Variants in GSE1 observed in about 807,000 individuals in gnomAD.
The protein encoded by GSE1 is Gse1 coiled-coil protein, also known as genetic suppressor element 1.
In GSE1, 32 loss-of-function variants were observed where a neutral mutation model predicts 112.6. That is an observed-to-expected ratio of 0.28 (90% CI 0.21 to 0.38). GSE1 has a LOEUF of 0.38. Ranked by LOEUF, GSE1 falls within the 10% of genes least tolerant of loss-of-function variation. The probability of loss-of-function intolerance (pLI) is 1.00; values close to 1 mark genes in which losing one functional copy is unlikely to be tolerated. For missense variants in GSE1, 2,348 were observed against 1,699.2 expected (o/e 1.38, Z -6.71); for synonymous variants, 1,115 against 735.6 (o/e 1.52, Z -8.35).
Position 85,208,362 on chromosome 16 carries a change from G to A in GSE1, c.2283+36555G>A, listed in dbSNP as rs1295105228. Among the ~76,000 whole-genome samples the A allele has an allele frequency of 2.0e-5, 3 of 152,152 alleles. No individual in the cohort carries two copies. In the East Asian group the frequency reaches 5.8e-4, roughly 29 times the overall value. ...TCTCAGCCATCGCCCGTGGCATCTC[G>A]GCTGGTGCTCCCACTCAGTACTCCC... On this transcript the variant is annotated intron_variant, in intron 1 of 2. Transcript: ENST00000637419.
intron 2 of GSE1, among the ~76,000 whole-genome samples, chr16:85,538,981 G>T (rs9931322): frequency 6.6e-6 from 1 of 151,814 alleles, no homozygotes; most frequent in Non-Finnish European, 1.5e-5. Context: ...TCTGCCATCC[G>T]GGCCACCATG....
In GSE1 at chr16:85,271,552, G is replaced by A. The variant is rs187973871; in HGVS notation, c.2284-85911G>A. ...CCGAATCATCTGCCAAAGTGCGGGA[G>A]TGATAGCACTGGTGAGGCCTTTGCA... On this transcript the variant is annotated intron_variant, in intron 1 of 2. Coordinates refer to the GSE1 transcript ENST00000637419. Among the ~76,000 whole-genome samples the A allele has an allele frequency of 4.1e-3, 619 of 152,358 alleles. 3 individuals carry two copies. Among genetic ancestry groups the A allele is most frequent in the South Asian group, 5.2e-3 (25 of 4,828 alleles).
rs895518320 is a variant in GSE1 at position 85,524,558 on chromosome 16, G to T, written c.2465-109356G>T. Among the ~76,000 whole-genome samples, 19 of 152,184 alleles carry T rather than the reference G, an allele frequency of 1.2e-4. 1 individual carries two copies. Among genetic ancestry groups the T allele is most frequent in the South Asian group, 2.1e-4 (1 of 4,826 alleles). On this transcript the variant is annotated intron_variant, in intron 2 of 2. Transcript: ENST00000637419. ...GGCTTGCCACGTGTGGGAGGGTGAG[G>T]GTGGGGTCCAGGGGGAGCCGAGGGG...
intron 8 of GSE1, chr16:85,659,712 C>A (rs1208098142): frequency 6.6e-6 from 1 of 152,240 alleles, no homozygotes. Context: ...AAAAATAGCC[C>A]TGTGAGTAGA....
At position 85,518,415 on chromosome 16, in the gene GSE1, C is replaced by G. The variant is rs543152650; in HGVS notation, c.2465-115499C>G. Among the ~76,000 whole-genome samples, 8 of 152,252 alleles carry G rather than the reference C, an allele frequency of 5.3e-5. No homozygotes were observed. In the East Asian group the frequency reaches 1.5e-3, roughly 29 times the overall value. On this transcript the variant is annotated intron_variant, in intron 2 of 2. Transcript: ENST00000637419. ...GTGTCTGTGTCATCTCATTCGCTGT[C>G]ACACAGGGATGCAACTGTGTGTGTT...
chr16:85,328,212 C>G (rs1016895972), intron 1 of GSE1, among the ~76,000 whole-genome samples: 1 of 152,218 alleles, frequency 6.6e-6, no homozygotes, highest in African/African-American at 2.4e-5. Flanking sequence ...CCTGGCAGGC[C>G]CCTTTCCGCT....
At chr16:85,649,444 G>C (rs1050617070) in intron 3 of GSE1, among the ~76,000 whole-genome samples, 2 of 152,194 alleles carry the variant, frequency 1.3e-5, no homozygotes, top group African/African-American at 4.8e-5. Context: ...GGTGGGTTTT[G>C]TGTTTCTGTC....
chr16:85,585,559 A>G (rs992908528), intron 1 of GSE1, among the ~76,000 whole-genome samples: 3 of 152,080 alleles, frequency 2.0e-5, no homozygotes, highest in African/African-American at 7.2e-5. Context: ...CTGGGTCTCC[A>G]TGTGGGGAGG....
chr16:85,338,132 C>G (rs1473798332), intron 1 of GSE1, among the ~76,000 whole-genome samples: 1 of 152,236 alleles, frequency 6.6e-6, no homozygotes, highest in Non-Finnish European at 1.5e-5. Flanking sequence ...CCCTGGAGCC[C>G]TGAGCCTGGG....
chr16:85,398,846 T>A (rs1414294107), intron 2 of GSE1, among the ~76,000 whole-genome samples: 1 of 152,100 alleles, frequency 6.6e-6, no homozygotes, highest in African/African-American at 2.4e-5. Context: ...CGTGCACATG[T>A]GTAGACATGT....
chr16:85,478,852 T>C (rs1186782741), intron 2 of GSE1, among the ~76,000 whole-genome samples: 2 of 9,446 alleles, frequency 2.1e-4, no homozygotes, highest in African/African-American at 1.1e-3. Context: ...TCTTTCTTTC[T>C]TTCTTTCTTT....
chr16:85,377,155 C>T (rs943842332), intron 2 of GSE1, among the ~76,000 whole-genome samples: 3 of 152,204 alleles, frequency 2.0e-5, no homozygotes, highest in Non-Finnish European at 2.9e-5. Context: ...GTAGGCCGCA[C>T]GTGGTCTGAG....
At chr16:85,495,254 G>C (rs562364418) in intron 2 of GSE1, among the ~76,000 whole-genome samples, 2 of 152,048 alleles carry the variant, frequency 1.3e-5, no homozygotes, top group East Asian at 3.9e-4. Flanking sequence ...GACCCTGCCC[G>C]TAATGTTTTC....
At chr16:85,618,367 C>T (rs949275866) in intron 1 of GSE1, among the ~76,000 whole-genome samples, 4 of 152,158 alleles carry the variant, frequency 2.6e-5, no homozygotes, top group South Asian at 4.1e-4. Context: ...ATGCCCCTGA[C>T]GGGTAAATGA....
intron 2 of GSE1, among the ~76,000 whole-genome samples, chr16:85,482,322 G>A (rs190611569): frequency 8.8e-4 from 134 of 152,376 alleles, no homozygotes; most frequent in Admixed American, 1.6e-3. Flanking sequence ...GCACTTGCGT[G>A]CTTCCTGGAG....
chr16:85,208,533 CT>C lies in GSE1; in HGVS notation c.2283+36729del, dbSNP rs558056063. Among the ~76,000 whole-genome samples, 15 of 152,372 alleles carry C rather than the reference CT, an allele frequency of 9.8e-5. No homozygotes were observed. In the South Asian group the frequency reaches 3.1e-3, roughly 32 times the overall value. ...CCTCGTCCCCCACACCACCTGTCCCCTTTCACATGATTCCAAAGGAAACTTT... is the reference window on the plus strand; with the variant it reads ...CCTCGTCCCCCACACCACCTGTCCCCTTCACATGATTCCAAAGGAAACTTT... On this transcript the variant is annotated intron_variant, in intron 1 of 2. Coordinates refer to the GSE1 transcript ENST00000637419.
At chr16:85,272,794 T>TA (rs1180237729) in intron 1 of GSE1, among the ~76,000 whole-genome samples, 2 of 150,762 alleles carry the variant, frequency 1.3e-5, no homozygotes, top group African/African-American at 4.9e-5. Flanking sequence ...TTTTTTTTTT[T>TA]TGACGGAGTT....
chr16:85,238,744 G>A (rs566119987), intron 1 of GSE1, among the ~76,000 whole-genome samples: 1 of 152,072 alleles, frequency 6.6e-6, no homozygotes, highest in African/African-American at 2.4e-5. Context: ...CAGGGTGGGG[G>A]ACCCTCAGTC....
intron 1 of GSE1, 67 bp from the exon 2 acceptor site, chr16:85,633,847 G>T (rs573535667): frequency 1.5e-6 from 2 of 1,301,856 alleles, no homozygotes; most frequent in South Asian, 1.3e-5. Flanking sequence ...CGGCCCTGCC[G>T]ACCCTGCTCT....
Sources: gnomAD v4.1 joint callset for allele counts (sites outside exome capture counted in the v4.1 genomes callset) on GRCh38, gnomAD v4.1.1 for gene constraint, MANE v1.5 for transcripts, NCBI Gene and HGNC (gene_info 2026-07-23, HGNC 2026-07-21) for gene names.